The following ZNF280D variants were observed in gnomAD, a reference collection of about 807,000 sequenced individuals.
ZNF280D encodes suppressor of hairy wing homolog 4.
A neutral mutation model predicts 94.7 loss-of-function variants in ZNF280D; 39 were observed. That is an observed-to-expected ratio of 0.41 (90% CI 0.32 to 0.54). The LOEUF is 0.54. Among genes scored for constraint, ZNF280D ranks in the 20% least tolerant of loss-of-function variants. The pLI, the probability that ZNF280D is intolerant of heterozygous loss-of-function variation, is 0.22. For synonymous variants in ZNF280D, 398 were observed against 377.6 expected (o/e 1.05, Z -0.63); for missense variants, 1,090 against 1,149.3 (o/e 0.95, Z 0.75).
Position 56,707,257 on chromosome 15 carries a change from A to T in ZNF280D, c.-42+6T>A, listed in dbSNP as rs767267784. On this transcript the variant is annotated splice_donor_region_variant and intron_variant, in intron 2 of 21. Coordinates refer to ENST00000267807, the MANE Select transcript of ZNF280D (RefSeq NM_017661.4). ...TATTGGATGTAAGGTTAACCTCTAA[A>T]CTCACCATGTGACTCCAGACAAGCC... 5.8e-6 allele frequency: 9 copies of T among 1,550,408 alleles called. No homozygotes were observed. The highest frequency in any genetic ancestry group is 7.8e-6 in the Non-Finnish European group (9 of 1,150,258).
At position 56,669,987 on chromosome 15, in the gene ZNF280D, T is replaced by TATATATA. The variant is rs2054722325; in HGVS notation, c.1411-1037_1411-1031dup. 1.0e-3 allele frequency among the ~76,000 whole-genome samples: 2 copies of TATATATA among 1,940 alleles called. 1 individual carries two copies. 1.3% of individuals were successfully genotyped at this position (1,940 alleles called of 152,430 possible). A position where few individuals can be genotyped will look rare whatever the true frequency, so the allele number is the denominator to read the frequency against. ...TTATATATATATAATATATATATTATATATATATATTATATATATATAATA... is the reference window on the plus strand; with the variant it reads ...TTATATATATATAATATATATATTATATATATAATATATATATTATATATATATAATA... On this transcript the variant is annotated intron_variant, in intron 13 of 21. Transcript: ENST00000267807.
intron 16 of ZNF280D, among the ~76,000 whole-genome samples, chr15:56,661,092 T>C (rs1052631473): frequency 6.6e-6 from 1 of 152,070 alleles, no homozygotes; most frequent in African/African-American, 2.4e-5. Context: ...TAGTGACACA[T>C]ACAGAGTTTG....
At chr15:56,680,227 C>T (rs1393844029) in intron 10 of ZNF280D, among the ~76,000 whole-genome samples, 1 of 152,102 alleles carries the variant, frequency 6.6e-6, no homozygotes, top group African/African-American at 2.4e-5. Context: ...CTATCAATTT[C>T]TTATTATTCT....
chr15:56,705,294 T>C (rs2057338849), intron 3 of ZNF280D, among the ~76,000 whole-genome samples: 1 of 152,182 alleles, frequency 6.6e-6, no homozygotes, highest in African/African-American at 2.4e-5. Context: ...AACTTAGCAT[T>C]TGTGTTTTTT....
rs548530074 is a variant in ZNF280D at position 56,662,056 on chromosome 15, A to G, written c.1995-3570T>C. ...CTTCCTAGTAGGTACATAATAAAAT[A>G]CATGAACCTGGTTGAAATAATAAAA... On this transcript the variant is annotated intron_variant, in intron 16 of 21. Coordinates refer to ENST00000267807, the MANE Select transcript of ZNF280D (RefSeq NM_017661.4). Among the ~76,000 whole-genome samples, 4 of 152,294 alleles carry G rather than the reference A, an allele frequency of 2.6e-5. No individual in the cohort carries two copies. In the East Asian group the frequency reaches 7.7e-4, roughly 29 times the overall value.
At chr15:56,653,566 G>C in intron 19 of ZNF280D, 2 of 1,510,380 alleles carry the variant, frequency 1.3e-6, no homozygotes, top group Non-Finnish European at 8.8e-7. Context: ...GTATACCCTG[G>C]ATATTTTTTG....
At chr15:56,728,085 G>A (rs1427812100) in intron 1 of ZNF280D, among the ~76,000 whole-genome samples, 1 of 151,824 alleles carries the variant, frequency 6.6e-6, no homozygotes, top group African/African-American at 2.4e-5. Flanking sequence ...AGGCTGGAGT[G>A]CAGTGACACA....
At position 56,728,469 on chromosome 15, in the gene ZNF280D, T is replaced by C. The variant is rs559084986; in HGVS notation, c.-86+4989A>G. 1.1e-3 allele frequency among the ~76,000 whole-genome samples: 169 copies of C among 152,304 alleles called. 2 individuals carry two copies. Among genetic ancestry groups the C allele is most frequent in the African/African-American group, 3.8e-3 (156 of 41,570 alleles). ...AATCTGAAATTGAAAAATCTTGCAA[T>C]TGTGGAGCAAAGAAGATGGCCGTCC... On this transcript the variant is annotated intron_variant, in intron 1 of 21. Coordinates refer to ENST00000267807, the MANE Select transcript of ZNF280D (RefSeq NM_017661.4).
intron 20 of ZNF280D, among the ~76,000 whole-genome samples, chr15:56,640,831 C>T (rs1215012038): frequency 1.3e-5 from 2 of 152,122 alleles, no homozygotes; most frequent in East Asian, 1.9e-4. Flanking sequence ...AAGACCCAAA[C>T]ACAAACTTGA....
At position 56,664,113 on chromosome 15, in the gene ZNF280D, C is replaced by T. The variant is rs536726830; in HGVS notation, c.1994+2282G>A. Among the ~76,000 whole-genome samples, 166 of 152,032 alleles carry T rather than the reference C, an allele frequency of 1.1e-3. 1 individual carries two copies. The highest frequency in any genetic ancestry group is 3.9e-3 in the African/African-American group (160 of 41,458). On this transcript the variant is annotated intron_variant, in intron 16 of 21. Coordinates refer to ENST00000267807, the MANE Select transcript of ZNF280D (RefSeq NM_017661.4). Reference sequence around the variant, plus strand: ...TTTAAAAAGTGAGTGACAACAATGTCAAATACTCTAAAGAAGTCACAGAGG... The same window carrying T: ...TTTAAAAAGTGAGTGACAACAATGTTAAATACTCTAAAGAAGTCACAGAGG...
intron 20 of ZNF280D, among the ~76,000 whole-genome samples, chr15:56,636,632 C>T (rs1351232402): frequency 2.6e-5 from 4 of 151,704 alleles, no homozygotes; most frequent in Non-Finnish European, 5.9e-5. Context: ...TACAGGTACC[C>T]ACCACCATGC....
chr15:56,691,771 T>C (rs2056437296), intron 7 of ZNF280D, among the ~76,000 whole-genome samples: 1 of 152,150 alleles, frequency 6.6e-6, no homozygotes. Context: ...CTTTTAAAGC[T>C]TATAATGTAT....
chr15:56,703,624 C>T (rs891518930), intron 4 of ZNF280D, among the ~76,000 whole-genome samples: 1 of 152,080 alleles, frequency 6.6e-6, no homozygotes, highest in Non-Finnish European at 1.5e-5. Context: ...GAGTCCAAGG[C>T]AGGTGGATCA....
intron 19 of ZNF280D, chr15:56,653,606 A>T: frequency 6.8e-7 from 1 of 1,478,394 alleles, no homozygotes; most frequent in Non-Finnish European, 8.9e-7. Context: ...GCATCTGAAA[A>T]ATAAGAAAAA....
intron 6 of ZNF280D, among the ~76,000 whole-genome samples, chr15:56,696,992 T>C (rs1230863725): frequency 1.3e-5 from 2 of 152,192 alleles, no homozygotes; most frequent in African/African-American, 2.4e-5. Context: ...TTTTTCCCCA[T>C]CCTCGGTCAA....
chr15:56,676,809 T>C lies in ZNF280D; in HGVS notation c.1271A>G (p.Asn424Ser), dbSNP rs2055261833. Residue 424 changes from asparagine to serine, a missense_variant, in exon 13 of 22, where the codon AAT (asparagine) becomes AGT (serine). Transcript: ENST00000267807. ...ATCAGAAAATGATGATGATCTATAA[T>C]TACAAACCTAAAAAAAGAAAGAAGG... The part of the protein sequence containing the change: ...GEMPYVCQVC[N>S]YRSSSFSDVE... The C allele has an allele frequency of 1.3e-6, 2 of 1,585,494 alleles. No individual in the cohort carries two copies. The highest frequency in any genetic ancestry group is 1.7e-6 in the Non-Finnish European group (2 of 1,166,968).
At chr15:56,708,182 A>T (rs1383942840) in intron 1 of ZNF280D, among the ~76,000 whole-genome samples, 2 of 152,140 alleles carry the variant, frequency 1.3e-5, no homozygotes, top group East Asian at 3.8e-4. Flanking sequence ...CCTACTTTTC[A>T]ATTTCTAAAG....
rs1715396974 is a variant in ZNF280D at position 56,669,897 on chromosome 15, TATATAA to T, written c.1411-946_1411-941del. Reference sequence around the variant, plus strand: ...TTTATATATATATATATTATATATATATATAATATATATATATTATATATATATTAT... The same window carrying T: ...TTTATATATATATATATTATATATATTATATATATATTATATATATATTAT... On this transcript the variant is annotated intron_variant, in intron 13 of 21. Coordinates refer to ENST00000267807, the MANE Select transcript of ZNF280D (RefSeq NM_017661.4). 8.1e-3 allele frequency among the ~76,000 whole-genome samples: 69 copies of T among 8,506 alleles called. 10 individuals carry two copies. Among genetic ancestry groups the T allele is most frequent in the Admixed American group, 0.033 (12 of 360 alleles). The allele number at this position is 8,506 out of a possible 152,430, so 5.6% of individuals were successfully genotyped here. A position where few individuals can be genotyped will look rare whatever the true frequency, so the allele number is the denominator to read the frequency against.
chr15:56,697,476 C>T (rs780572879), intron 6 of ZNF280D, among the ~76,000 whole-genome samples: 15 of 152,222 alleles, frequency 9.9e-5, no homozygotes, highest in Non-Finnish European at 1.6e-4. Context: ...TGAGCCACCA[C>T]GCCCAGCCAC....
Sources: allele counts gnomAD v4.1 joint callset (sites outside exome capture counted in the v4.1 genomes callset), GRCh38; gene constraint gnomAD v4.1.1; transcripts MANE v1.5; gene names NCBI Gene and HGNC (gene_info 2026-07-23, HGNC 2026-07-21).